SLCO3A1: variants seen among roughly 807,000 people sequenced by gnomAD.
The protein encoded by SLCO3A1 is PGE1 transporter.
A neutral mutation model predicts 63.1 loss-of-function variants in SLCO3A1; 27 were observed. The observed-to-expected ratio is 0.43, with a 90% confidence interval of 0.32 to 0.59. The LOEUF is 0.59. Among genes scored for constraint, SLCO3A1 ranks in the 20% least tolerant of loss-of-function variants. The pLI is 0.09. For missense variants in SLCO3A1, 773 were observed against 945.8 expected (o/e 0.82, Z 2.40); for synonymous variants, 473 against 409.9 (o/e 1.15, Z -1.86).
At chr15:91,931,690 C>G (rs959256577) in intron 2 of SLCO3A1, among the ~76,000 whole-genome samples, 18 of 151,974 alleles carry the variant, frequency 1.2e-4, no homozygotes, top group African/African-American at 4.1e-4. Flanking sequence ...AGGCTGGTCT[C>G]CAGCTCTTGA....
At chr15:92,027,252 T>C (rs1440440814) in intron 2 of SLCO3A1, among the ~76,000 whole-genome samples, 1 of 152,238 alleles carries the variant, frequency 6.6e-6, no homozygotes, top group African/African-American at 2.4e-5. Flanking sequence ...AATACGTGAT[T>C]TCCTGGAGAT....
rs1229792571 is a variant in SLCO3A1 at position 91,895,533 on chromosome 15, T to C, written c.181-20460T>C. 2.0e-5 allele frequency among the ~76,000 whole-genome samples: 3 copies of C among 152,328 alleles called. No individual in the cohort carries two copies. In the East Asian group the frequency reaches 5.8e-4, roughly 29 times the overall value. The stretch of plus-strand genomic sequence containing the variant: ...AATGTTTTATTGACGCAGGACTTCA[T>C]ATGGAAGCTTTTTGTAAATGAAACT... On this transcript the variant is annotated intron_variant, in intron 1 of 9. Coordinates refer to ENST00000318445, the MANE Select transcript of SLCO3A1 (RefSeq NM_013272.4).
intron 2 of SLCO3A1, among the ~76,000 whole-genome samples, chr15:92,072,340 C>T (rs754252290): frequency 3.3e-5 from 5 of 150,832 alleles, no homozygotes; most frequent in East Asian, 2.0e-4. Flanking sequence ...TTGTTGTTGT[C>T]GGCTCATTAT....
chr15:92,064,600 G>T (rs527594500), intron 2 of SLCO3A1, among the ~76,000 whole-genome samples: 1 of 152,202 alleles, frequency 6.6e-6, no homozygotes, highest in East Asian at 1.9e-4. Context: ...CACTACTCAC[G>T]ATAGCCAAGA....
downstream of SLCO3A1, among the ~76,000 whole-genome samples, chr15:92,169,810 A>T (rs757633739): frequency 1.3e-5 from 2 of 152,154 alleles, no homozygotes; most frequent in Non-Finnish European, 2.9e-5. Context: ...GACCAGGGGC[A>T]CTTGTCATAT....
At chr15:91,972,500 T>A (rs557362871) in intron 2 of SLCO3A1, among the ~76,000 whole-genome samples, 1 of 152,190 alleles carries the variant, frequency 6.6e-6, no homozygotes, top group African/African-American at 2.4e-5. Flanking sequence ...AGACACCAAA[T>A]CTTCTGGTGG....
chr15:91,940,443 G>C (rs1899580164), intron 2 of SLCO3A1, among the ~76,000 whole-genome samples: 1 of 152,184 alleles, frequency 6.6e-6, no homozygotes, highest in Non-Finnish European at 1.5e-5. Context: ...CCAGTCCCCA[G>C]GGGCCACTGA....
chr15:92,020,967 G>C (rs8037343), intron 2 of SLCO3A1, among the ~76,000 whole-genome samples: 81 of 152,256 alleles, frequency 5.3e-4, no homozygotes, highest in African/African-American at 1.9e-3. Flanking sequence ...TCTCATGTAA[G>C]TTGCATCTTC....
rs185124296 is a variant in SLCO3A1 at position 92,048,757 on chromosome 15, G to T, written c.647-46124G>T. The stretch of plus-strand genomic sequence containing the variant: ...CTACTAAAAATACAAAAATTAGCCA[G>T]GCTAGTGGCGGGCACCTGTAATCCC... On this transcript the variant is annotated intron_variant, in intron 2 of 9. Transcript: ENST00000318445. Among the ~76,000 whole-genome samples, 321 of 152,260 alleles carry T rather than the reference G, an allele frequency of 2.1e-3. 1 individual carries two copies. Among genetic ancestry groups the T allele is most frequent in the African/African-American group, 6.9e-3 (287 of 41,550 alleles).
chr15:92,094,776 G>GTCATC (rs1383140251), intron 2 of SLCO3A1, 105 bp from the exon 3 acceptor site: 2 of 702,980 alleles, frequency 2.8e-6, no homozygotes, highest in African/African-American at 3.5e-5. Flanking sequence ...AATTCCTAAT[G>GTCATC]TCATCTCATC....
At chr15:92,057,041 G>A (rs1328851645) in intron 2 of SLCO3A1, among the ~76,000 whole-genome samples, 11 of 152,248 alleles carry the variant, frequency 7.2e-5, no homozygotes, top group Admixed American at 5.9e-4. Context: ...CCTTCCAGAA[G>A]GTAGCCCTTG....
At chr15:92,075,682 T>C (rs949770837) in intron 2 of SLCO3A1, among the ~76,000 whole-genome samples, 4 of 152,244 alleles carry the variant, frequency 2.6e-5, no homozygotes, top group Admixed American at 1.3e-4. Flanking sequence ...CCCTCTCAAA[T>C]GGGCATAACA....
intron 1 of SLCO3A1, among the ~76,000 whole-genome samples, chr15:91,903,599 T>C (rs1037141821): frequency 6.6e-6 from 1 of 152,128 alleles, no homozygotes; most frequent in African/African-American, 2.4e-5. Flanking sequence ...AATGAGAGAT[T>C]GGTGCCTTTT....
chr15:91,928,919 G>A (rs1296126797), intron 2 of SLCO3A1, among the ~76,000 whole-genome samples: 2 of 152,192 alleles, frequency 1.3e-5, no homozygotes, highest in Non-Finnish European at 2.9e-5. Context: ...GGACTTGAGT[G>A]TTTCACTCCC....
chr15:92,162,906 C>G lies in SLCO3A1; in HGVS notation c.1904C>G (p.Ser635Cys), dbSNP rs1401405183. The part of the protein sequence containing the change: ...LYVSIAIALK[S>C]FAFILYTTTW... ...GTCAGCATCGCCATCGCGCTCAAAT[C>G]CTTCGCCTTCATCCTGTACACCACC... is the stretch of plus-strand genomic sequence containing the variant. The change falls in exon 10 of 10, where the codon TCC (serine) becomes TGC (cysteine). Residue 635 changes from serine to cysteine, a missense_variant. Physicochemically the swap from Ser to Cys is moderately radical, Grantham distance 112 (BLOSUM62 -1). This residue lies in a region of SLCO3A1 where 139 missense variants were observed against 131.4 expected (regional missense o/e 1.06). Coordinates refer to ENST00000318445, the MANE Select transcript of SLCO3A1 (RefSeq NM_013272.4). The G allele has an allele frequency of 6.2e-7, 1 of 1,614,188 alleles. No individual in the cohort carries two copies. The highest frequency in any genetic ancestry group is 8.5e-7 in the Non-Finnish European group (1 of 1,180,034).
chr15:91,939,852 T>C (rs965529713), intron 2 of SLCO3A1, among the ~76,000 whole-genome samples: 6 of 152,148 alleles, frequency 3.9e-5, no homozygotes, highest in African/African-American at 1.4e-4. Flanking sequence ...GCTGCTGATG[T>C]GACACAGCTA....
chr15:92,127,393 G>A (rs367862913), intron 6 of SLCO3A1, among the ~76,000 whole-genome samples: 3 of 152,092 alleles, frequency 2.0e-5, no homozygotes, highest in African/African-American at 4.8e-5. Flanking sequence ...TAGTTCCAGC[G>A]CCTCCTCTAC....
chr15:92,068,822 C>T (rs1434499170), intron 2 of SLCO3A1, among the ~76,000 whole-genome samples: 3 of 152,224 alleles, frequency 2.0e-5, no homozygotes, highest in African/African-American at 7.2e-5. Flanking sequence ...ACCACTCACG[C>T]AGGCTTTGGA....
chr15:92,052,567 C>G (rs1215013877), intron 2 of SLCO3A1, among the ~76,000 whole-genome samples: 1 of 152,104 alleles, frequency 6.6e-6, no homozygotes, highest in Non-Finnish European at 1.5e-5. Flanking sequence ...GGAGATCGCT[C>G]TTCCCAAGGT....
Sources: allele counts gnomAD v4.1 joint callset (sites outside exome capture counted in the v4.1 genomes callset), GRCh38; gene constraint gnomAD v4.1.1; regional missense constraint gnomAD v4.1.1; transcripts MANE v1.5; gene names NCBI Gene and HGNC (gene_info 2026-07-23, HGNC 2026-07-21).